The following LNPEP variants were observed in gnomAD, a reference collection of about 807,000 sequenced individuals.
LNPEP encodes the protein leucyl and cystinyl aminopeptidase, also known as leucyl-cystinyl aminopeptidase.
A neutral mutation model predicts 120.6 loss-of-function variants in LNPEP; 64 were observed. That is an observed-to-expected ratio of 0.53 (90% confidence interval 0.43 to 0.65). LNPEP has a LOEUF of 0.65. Among genes scored for constraint, LNPEP ranks in the 30% least tolerant of loss-of-function variants. The pLI, the probability that LNPEP is intolerant of heterozygous loss-of-function variation, is 0.00. For missense variants in LNPEP, 1,057 were observed against 1,200.0 expected (o/e 0.88, Z 1.76); for synonymous variants, 435 against 425.4 (o/e 1.02, Z -0.28).
chr5:96,968,732 G>A (rs1331801741), intron 1 of LNPEP, among the ~76,000 whole-genome samples: 1 of 152,008 alleles, frequency 6.6e-6, no homozygotes, highest in Non-Finnish European at 1.5e-5. Context: ...GAGAAAAAAA[G>A]CCTATGGGCT....
chr5:96,942,252 A>C lies in LNPEP; in HGVS notation c.19+6078A>C, dbSNP rs1027766219. ...AACAACGTGGTGTGGAGCTGTGGTA[A>C]GCCTGCTCTTGCTCCTGACTCACCG... On this transcript the variant is annotated intron_variant, in intron 1 of 17. Transcript: ENST00000231368. The C allele has an allele frequency of 8.6e-5, 13 of 151,956 alleles. 1 individual carries two copies. The highest frequency in any genetic ancestry group is 3.1e-4 in the African/African-American group (13 of 41,336). The allele number at this position is 151,956 out of a possible 1,614,324, so 9.4% of individuals were successfully genotyped here. A position where few individuals can be genotyped will look rare whatever the true frequency, so the allele number is the denominator to read the frequency against.
At chr5:96,992,838 G>C (rs1790424505) in intron 4 of LNPEP, among the ~76,000 whole-genome samples, 177 bp from the exon 5 acceptor site, 1 of 152,078 alleles carries the variant, frequency 6.6e-6, no homozygotes, top group African/African-American at 2.4e-5. Flanking sequence ...TGTATGTGTG[G>C]AAGGGACTTG....
Position 97,003,553 on chromosome 5 carries a change from G to C in LNPEP, c.1785+7G>C. ...GTGGGATAGTTTTAATGAGGTAAGT[G>C]ACCTGGGTAATTTATTTAGCTCTTA... On this transcript the variant is annotated splice_region_variant and intron_variant, in intron 9 of 17. Transcript: ENST00000231368. 6.4e-6 allele frequency: 10 copies of C among 1,574,536 alleles called. No individual in the cohort carries two copies. The highest frequency in any genetic ancestry group is 8.6e-6 in the Non-Finnish European group (10 of 1,162,032).
intron 11 of LNPEP, among the ~76,000 whole-genome samples, chr5:97,009,682 T>TTGCTGCTGCTGC (rs10615639): frequency 1.3e-5 from 2 of 151,578 alleles, no homozygotes; most frequent in Non-Finnish European, 2.9e-5. Context: ...GTTATTTCCC[T>TTGCTGCTGCTGC]TGCTGCTGCT....
intron 15 of LNPEP, among the ~76,000 whole-genome samples, chr5:97,025,678 A>T (rs1791320431): frequency 6.6e-6 from 1 of 152,238 alleles, no homozygotes; most frequent in Non-Finnish European, 1.5e-5. Context: ...GTACATACAT[A>T]CACACATACC....
At chr5:96,990,446 A>G (rs2112623672) in intron 4 of LNPEP, among the ~76,000 whole-genome samples, 1 of 152,348 alleles carries the variant, frequency 6.6e-6, no homozygotes, top group South Asian at 2.1e-4. Context: ...GGTTAACTCC[A>G]GTTCTATACA....
At chr5:96,990,126 A>C (rs1378547846) in intron 4 of LNPEP, among the ~76,000 whole-genome samples, 1 of 152,232 alleles carries the variant, frequency 6.6e-6, no homozygotes, top group Non-Finnish European at 1.5e-5. Context: ...GCTAATAAAG[A>C]CTTGTCTTAA....
At position 97,034,028 on chromosome 5, in the gene LNPEP, C is replaced by T. The variant is rs1791523105; in HGVS notation, c.*5495C>T. On this transcript the variant is annotated 3_prime_UTR_variant, in exon 18 of 18. Coordinates refer to ENST00000231368, the MANE Select transcript of LNPEP (RefSeq NM_005575.3). ...TTTCATTAACTATATTGTATTATTT[C>T]ATGCTGTACCCAGTCCATTGCTTGG... 2 of 151,980 alleles carry T rather than the reference C, an allele frequency of 1.3e-5. No homozygotes were observed. The highest frequency in any genetic ancestry group is 6.6e-5 in the Admixed American group (1 of 15,248). The allele number at this position is 151,980 out of a possible 1,614,324, so 9.4% of individuals were successfully genotyped here. A position where few individuals can be genotyped will look rare whatever the true frequency, so the allele number is the denominator to read the frequency against.
rs765332629 is a variant in LNPEP, at chr5:96,979,267, G to A, written c.149G>A (p.Gly50Asp). ...EPDEVEYEPR[G>D]SRLLVRGLGE... Reference sequence around the variant, plus strand: ...GATGAGGTGGAATATGAGCCCCGGGGTTCCCGACTGCTGGTGCGGGGTCTT... The same window carrying A: ...GATGAGGTGGAATATGAGCCCCGGGATTCCCGACTGCTGGTGCGGGGTCTT... The change falls in exon 2 of 18, where the codon GGT becomes GAT. Residue 50 changes from glycine to aspartate, a missense_variant. Physicochemically the swap from Gly to Asp is moderately conservative, Grantham distance 94 (BLOSUM62 -1). Coordinates refer to ENST00000231368, the MANE Select transcript of LNPEP (RefSeq NM_005575.3). 1.3e-5 allele frequency: 21 copies of A among 1,613,848 alleles called. No homozygotes were observed. The highest frequency in any genetic ancestry group is 1.7e-5 in the Non-Finnish European group (20 of 1,179,898).
chr5:96,941,903 A>G (rs1012257593), intron 1 of LNPEP, among the ~76,000 whole-genome samples: 1 of 152,240 alleles, frequency 6.6e-6, no homozygotes, highest in African/African-American at 2.4e-5. Flanking sequence ...GATTTTAAAA[A>G]TGGTCATGCC....
At position 97,000,582 on chromosome 5, in the gene LNPEP, G is replaced by C. The variant is rs1228210114; in HGVS notation, c.1653+2437G>C. Among the ~76,000 whole-genome samples the C allele has an allele frequency of 3.3e-5, 5 of 152,130 alleles. No individual in the cohort carries two copies. The East Asian group carries it at 9.6e-4, about 29-fold the overall frequency. ...TGACTAGCCCACAGTAAACAGCCTG[G>C]GTGCTGAATCTCTGATGATCATCCG... is the stretch of plus-strand genomic sequence containing the variant. On this transcript the variant is annotated intron_variant, in intron 8 of 17. Coordinates refer to ENST00000231368, the MANE Select transcript of LNPEP (RefSeq NM_005575.3).
chr5:97,022,969 T>A (rs1791247951), intron 14 of LNPEP, among the ~76,000 whole-genome samples: 1 of 151,986 alleles, frequency 6.6e-6, no homozygotes, highest in Non-Finnish European at 1.5e-5. Context: ...ACTGTACAGT[T>A]CAGTAGTGTT....
chr5:96,949,424 G>A (rs1302064301), intron 1 of LNPEP, among the ~76,000 whole-genome samples: 4 of 152,202 alleles, frequency 2.6e-5, no homozygotes, highest in Non-Finnish European at 4.4e-5. Context: ...TCTAATGCCT[G>A]ATGATCTGAG....
chr5:96,942,240 G>GGA (rs1025629069), intron 1 of LNPEP: 2 of 151,664 alleles, frequency 1.3e-5, no homozygotes, highest in African/African-American at 4.9e-5. Context: ...AACGTGGTGT[G>GGA]GAGCTGTGGT....
At chr5:96,941,388 G>T (rs1360766109) in intron 1 of LNPEP, among the ~76,000 whole-genome samples, 1 of 152,192 alleles carries the variant, frequency 6.6e-6, no homozygotes, top group Non-Finnish European at 1.5e-5. Context: ...CAAACCTACT[G>T]TAGGGGGCTG....
chr5:96,979,004 T>C, intron 1 of LNPEP, 134 bp from the exon 2 acceptor site: 2 of 927,522 alleles, frequency 2.2e-6, no homozygotes, highest in Admixed American at 5.8e-5. Context: ...TCAGTAGCTC[T>C]GAGATGGAAA....
intron 1 of LNPEP, chr5:96,937,114 A>G (rs1788920140): frequency 6.6e-6 from 1 of 152,194 alleles, no homozygotes; most frequent in Admixed American, 6.5e-5. Context: ...CTAAAAGAGG[A>G]TTCAGTCTCT....
At position 97,036,461 on chromosome 5, in the gene LNPEP, G is replaced by A. The variant is rs9127; in HGVS notation, c.*7928G>A. 0.54 allele frequency: 82,119 copies of A among 151,918 alleles called. 22,394 individuals carry two copies. Among genetic ancestry groups the A allele is most frequent in the South Asian group, 0.69 (3,306 of 4,820 alleles). 9.4% of individuals were successfully genotyped at this position (151,918 alleles called of 1,614,324 possible). ...GCCTTGTATTTTGTGTGCATATCAT[G>A]TATCCAGACCTGTATGTTCGCTTTA... On this transcript the variant is annotated 3_prime_UTR_variant, in exon 18 of 18. Transcript: ENST00000231368.
intron 11 of LNPEP, among the ~76,000 whole-genome samples, chr5:97,011,419 G>T (rs971235158): frequency 6.6e-6 from 1 of 152,034 alleles, no homozygotes; most frequent in Non-Finnish European, 1.5e-5. Context: ...TTGTAAAGAT[G>T]ATGTCTCACT....
Sources: allele counts gnomAD v4.1 joint callset (sites outside exome capture counted in the v4.1 genomes callset), GRCh38; gene constraint gnomAD v4.1.1; transcripts MANE v1.5; gene names NCBI Gene and HGNC (gene_info 2026-07-23, HGNC 2026-07-21).